Variants in BABAM2 observed in about 807,000 individuals in gnomAD.
BABAM2 encodes BRISC and BRCA1 A complex member 2.
A neutral mutation model predicts 54.7 loss-of-function variants in BABAM2; 31 were observed. The observed-to-expected ratio is 0.57, with a 90% CI of 0.43 to 0.77. BABAM2 has a LOEUF of 0.77. BABAM2 is among the 30% of genes least tolerant of loss of function. The pLI is 0.00. For synonymous variants in BABAM2, 167 were observed against 162.9 expected (o/e 1.03, Z -0.19); for missense variants, 364 against 455.8 (o/e 0.80, Z 1.83).
rs2148557373 is a variant in BABAM2, at chr2:28,022,553, A to G, written c.301-2673A>G. Among the ~76,000 whole-genome samples, 3 of 152,112 alleles carry G rather than the reference A, an allele frequency of 2.0e-5. No homozygotes were observed. The South Asian group carries it at 6.2e-4, about 32-fold the overall frequency. On this transcript the variant is annotated intron_variant, in intron 4 of 11. Coordinates refer to ENST00000379624, the MANE Select transcript of BABAM2 (RefSeq NM_199191.3). The stretch of plus-strand genomic sequence containing the variant: ...TTATTTTCTTTGACTGTGTTTTATC[A>G]CTTTCTCTGAATGCGTTTTTCATTC...
chr2:28,008,608 C>A (rs1674143689), intron 4 of BABAM2, among the ~76,000 whole-genome samples: 2 of 152,094 alleles, frequency 1.3e-5, no homozygotes, highest in Non-Finnish European at 2.9e-5. Flanking sequence ...CTTAATGAAA[C>A]CATCACAAAA....
chr2:28,132,231 C>T (rs530093806), intron 7 of BABAM2, among the ~76,000 whole-genome samples: 17 of 151,552 alleles, frequency 1.1e-4, no homozygotes, highest in Non-Finnish European at 2.1e-4. Context: ...CTCCGCCTCC[C>T]GGGTTCACGC....
At chr2:27,958,135 T>A (rs1490116131) in intron 3 of BABAM2, among the ~76,000 whole-genome samples, 2 of 152,168 alleles carry the variant, frequency 1.3e-5, no homozygotes, top group Admixed American at 1.3e-4. Flanking sequence ...ATCACCCAAC[T>A]ACATTCTGCC....
At chr2:28,118,715 CTT>C (rs1364712438) in intron 6 of BABAM2, among the ~76,000 whole-genome samples, 1 of 152,050 alleles carries the variant, frequency 6.6e-6, no homozygotes, top group East Asian at 1.9e-4. Flanking sequence ...TGTAGAAGCT[CTT>C]TAGTTTAATT....
At chr2:27,989,367 AT>A (rs1375347798) in intron 4 of BABAM2, among the ~76,000 whole-genome samples, 2 of 152,206 alleles carry the variant, frequency 1.3e-5, no homozygotes, top group East Asian at 3.8e-4. Flanking sequence ...ACTTGTACTC[AT>A]TCTTGAAGAA....
chr2:27,923,830 A>T (rs966201944), intron 2 of BABAM2, among the ~76,000 whole-genome samples: 2 of 151,648 alleles, frequency 1.3e-5, no homozygotes, highest in African/African-American at 2.4e-5. Flanking sequence ...AAATTAGCCA[A>T]GTGTGGTGGC....
At chr2:28,241,249 A>G (rs1035586693) in intron 8 of BABAM2, 74 bp from the exon 9 acceptor site, 3 of 1,420,834 alleles carry the variant, frequency 2.1e-6, no homozygotes, top group South Asian at 2.3e-5. Context: ...GCTTCTCTGA[A>G]TCTTTGAAAT....
chr2:28,144,160 T>C (rs1224508013), intron 7 of BABAM2, among the ~76,000 whole-genome samples: 1 of 152,248 alleles, frequency 6.6e-6, no homozygotes, highest in Admixed American at 6.5e-5. Flanking sequence ...TGTTTAAGTG[T>C]TTAGCATAGT....
At chr2:28,096,879 A>G (rs1031866645) in intron 6 of BABAM2, among the ~76,000 whole-genome samples, 4 of 152,188 alleles carry the variant, frequency 2.6e-5, no homozygotes, top group African/African-American at 9.6e-5. Context: ...GGGCCAAAGG[A>G]TAAGGAGAGC....
intron 11 of BABAM2, among the ~76,000 whole-genome samples, chr2:28,335,292 C>T (rs1691347497): frequency 6.6e-6 from 1 of 151,466 alleles, no homozygotes; most frequent in Non-Finnish European, 1.5e-5. Flanking sequence ...GCCTCAGCTT[C>T]CCAAGTAGCT....
chr2:28,235,219 G>A (rs1044015650), intron 7 of BABAM2, among the ~76,000 whole-genome samples: 7 of 151,962 alleles, frequency 4.6e-5, no homozygotes, highest in African/African-American at 9.7e-5. Flanking sequence ...TTTATCGCCC[G>A]GGCTGGAGTG....
At chr2:28,080,797 G>A (rs1003448797) in intron 6 of BABAM2, among the ~76,000 whole-genome samples, 7 of 152,124 alleles carry the variant, frequency 4.6e-5, no homozygotes, top group Admixed American at 4.6e-4. Flanking sequence ...TGATTAATCC[G>A]TGACCTGATT....
chr2:28,241,176 C>T (rs946798324), intron 8 of BABAM2, 147 bp from the exon 9 acceptor site: 3 of 720,142 alleles, frequency 4.2e-6, no homozygotes, highest in Non-Finnish European at 7.0e-6. Context: ...CAAGTAGGCA[C>T]AATAGTCACA....
At chr2:28,062,355 G>T (rs969740652) in intron 6 of BABAM2, among the ~76,000 whole-genome samples, 5 of 151,694 alleles carry the variant, frequency 3.3e-5, no homozygotes, top group Non-Finnish European at 7.4e-5. Flanking sequence ...ATGAGGTCAG[G>T]AGATAGAGAC....
In BABAM2 at chr2:27,965,722, T is replaced by C. The variant is rs532708780; in HGVS notation, c.206-22271T>C. Among the ~76,000 whole-genome samples, 228 of 152,330 alleles carry C rather than the reference T, an allele frequency of 1.5e-3. 2 individuals are homozygous for C. The highest frequency in any genetic ancestry group is 2.7e-3 in the Non-Finnish European group (187 of 68,008). ...ACATATGTAAAATGTGTGTGTGCTT[T>C]ACAGTTGTGTGGATACTGATTGTGT... On this transcript the variant is annotated intron_variant, in intron 3 of 11. Transcript: ENST00000379624.
chr2:28,072,908 C>G (rs1025664569), intron 6 of BABAM2, among the ~76,000 whole-genome samples: 1 of 152,244 alleles, frequency 6.6e-6, no homozygotes, highest in Admixed American at 6.5e-5. Flanking sequence ...CAAGGTTAAT[C>G]TATTTCAACT....
intron 6 of BABAM2, among the ~76,000 whole-genome samples, chr2:28,061,996 C>A (rs1242025584): frequency 6.6e-6 from 1 of 151,960 alleles, no homozygotes; most frequent in Admixed American, 6.6e-5. Context: ...CGGTGGCTCA[C>A]GCCTGTAATC....
chr2:28,042,955 T>C (rs75033848), intron 5 of BABAM2, among the ~76,000 whole-genome samples: 3 of 151,264 alleles, frequency 2.0e-5, no homozygotes, highest in Non-Finnish European at 2.9e-5. Context: ...ACCCAGGAGG[T>C]GGAGCTTGCA....
At chr2:27,929,615 G>A (rs1376043396) in intron 2 of BABAM2, among the ~76,000 whole-genome samples, 1 of 152,218 alleles carries the variant, frequency 6.6e-6, no homozygotes, top group Non-Finnish European at 1.5e-5. Context: ...TAGAACACAT[G>A]TAAGTTTTAT....
Sources: allele counts gnomAD v4.1 joint callset (sites outside exome capture counted in the v4.1 genomes callset), GRCh38; gene constraint gnomAD v4.1.1; transcripts MANE v1.5; gene names NCBI Gene and HGNC (gene_info 2026-07-23, HGNC 2026-07-21).